Variants in PTBP2 observed in about 807,000 individuals in gnomAD.
PTBP2 encodes the protein polypyrimidine tract-binding protein 2.
Under a neutral mutation model 61.4 loss-of-function variants are expected in PTBP2, and 13 were observed. The observed-to-expected ratio is 0.21, with a 90% confidence interval of 0.14 to 0.34. The LOEUF is 0.34. Among genes scored for constraint, PTBP2 ranks in the 10% least tolerant of loss-of-function variants. PTBP2 has a pLI of 1.00. For synonymous variants in PTBP2, 215 were observed against 218.5 expected, an observed-to-expected ratio of 0.98 and a Z score of 0.14; for missense variants, 405 against 642.6, an observed-to-expected ratio of 0.63 and a Z score of 4.00.
At chr1:96,749,826 C>G (rs535634558) in intron 2 of PTBP2, 1 of 312,894 alleles carries the variant, frequency 3.2e-6, no homozygotes, top group Non-Finnish European at 6.6e-6. Context: ...ATCCTAAGGG[C>G]TGTGATGTAG....
intron 8 of PTBP2, among the ~76,000 whole-genome samples, chr1:96,796,771 C>T (rs987945187): frequency 3.3e-5 from 5 of 149,472 alleles, no homozygotes; most frequent in Admixed American, 1.3e-4. Context: ...CTAAGCTTGA[C>T]TCTATGGTAA....
intron 2 of PTBP2, 73 bp downstream of exon 2, chr1:96,723,667 G>C (rs1243774617): frequency 7.1e-7 from 1 of 1,400,364 alleles, no homozygotes; most frequent in Non-Finnish European, 9.8e-7. Context: ...TTTAGCTTTT[G>C]CTTTTGAAAA....
At chr1:96,732,088 TAA>T (rs767763221) in intron 2 of PTBP2, among the ~76,000 whole-genome samples, 2 of 152,180 alleles carry the variant, frequency 1.3e-5, no homozygotes, top group Non-Finnish European at 2.9e-5. Context: ...ACCTGTTTCT[TAA>T]AATGTTAGCT....
intron 8 of PTBP2, among the ~76,000 whole-genome samples, chr1:96,789,759 T>G (rs912545991): frequency 2.0e-5 from 3 of 152,116 alleles, no homozygotes; most frequent in Non-Finnish European, 2.9e-5. Context: ...CTTGGTTCAA[T>G]AGCGCTGACA....
intron 2 of PTBP2, among the ~76,000 whole-genome samples, chr1:96,726,882 C>A (rs921904664): frequency 3.3e-5 from 5 of 152,100 alleles, no homozygotes; most frequent in Admixed American, 3.3e-4. Context: ...CGCGTCCGGC[C>A]CATATCTTGC....
chr1:96,767,710 C>A (rs1478381288), intron 3 of PTBP2, among the ~76,000 whole-genome samples: 1 of 152,044 alleles, frequency 6.6e-6, no homozygotes, highest in South Asian at 2.1e-4. Flanking sequence ...CTTACATTTT[C>A]AATTAACGGG....
At chr1:96,777,351 C>G (rs1246526577) in intron 5 of PTBP2, among the ~76,000 whole-genome samples, 3 of 152,150 alleles carry the variant, frequency 2.0e-5, no homozygotes, top group Non-Finnish European at 4.4e-5. Context: ...GCATGTTCAA[C>G]ATTGATCCCA....
intron 9 of PTBP2, among the ~76,000 whole-genome samples, chr1:96,806,198 G>A (rs928510390): frequency 2.7e-5 from 4 of 150,922 alleles, no homozygotes; most frequent in Non-Finnish European, 4.4e-5. Context: ...CCTTGTCCTT[G>A]TCTTCATTCC....
At chr1:96,779,689 C>T (rs573964965) in intron 7 of PTBP2, among the ~76,000 whole-genome samples, 1 of 152,150 alleles carries the variant, frequency 6.6e-6, no homozygotes, top group South Asian at 2.1e-4. Flanking sequence ...AGTACTTATT[C>T]TGGTATCAGA....
intron 2 of PTBP2, among the ~76,000 whole-genome samples, chr1:96,729,732 ATTTT>A (rs748378072): frequency 2.8e-4 from 31 of 110,426 alleles, no homozygotes; most frequent in East Asian, 1.0e-3. Context: ...TGATACTACT[ATTTT>A]TTTTTTTTTT....
intron 8 of PTBP2, among the ~76,000 whole-genome samples, chr1:96,789,727 A>G (rs1460564668): frequency 3.3e-5 from 5 of 152,234 alleles, no homozygotes; most frequent in East Asian, 3.9e-4. Flanking sequence ...TGCTAATATA[A>G]TGAATCCCAT....
intron 2 of PTBP2, among the ~76,000 whole-genome samples, chr1:96,729,033 TC>T (rs1287188147): frequency 6.6e-6 from 1 of 152,188 alleles, no homozygotes; most frequent in Non-Finnish European, 1.5e-5. Flanking sequence ...ATATATTTCA[TC>T]AGATTTGCTT....
At chr1:96,769,946 G>T in intron 4 of PTBP2, 71 bp downstream of exon 4, 1 of 1,214,292 alleles carries the variant, frequency 8.2e-7, no homozygotes, top group Non-Finnish European at 1.1e-6. Flanking sequence ...AATTGTAAAA[G>T]GGAGAAAATA....
chr1:96,770,386 T>C (rs1025304643), intron 4 of PTBP2, among the ~76,000 whole-genome samples: 15 of 152,062 alleles, frequency 9.9e-5, no homozygotes, highest in Non-Finnish European at 2.1e-4. Context: ...AAATCTTACA[T>C]TCTCTAGGGT....
At chr1:96,746,720 AGT>A (rs1232196323) in intron 2 of PTBP2, among the ~76,000 whole-genome samples, 86 of 149,130 alleles carry the variant, frequency 5.8e-4, no homozygotes, top group African/African-American at 2.0e-3. Flanking sequence ...AAAAAAAAAA[AGT>A]GTGTGTTTTA....
At chr1:96,757,601 C>T (rs1205313562) in intron 3 of PTBP2, among the ~76,000 whole-genome samples, 1 of 152,090 alleles carries the variant, frequency 6.6e-6, no homozygotes, top group East Asian at 1.9e-4. Flanking sequence ...TGGCTTAACT[C>T]ACATTTATAA....
At chr1:96,761,550 A>AAT (rs35443903) in intron 3 of PTBP2, among the ~76,000 whole-genome samples, 112,980 of 151,768 alleles carry the variant, frequency 0.74, 42,618 homozygotes, top group African/African-American at 0.87. Flanking sequence ...TTGGAAGGAG[A>AAT]ATGCAGGAAA....
chr1:96,819,595 T>C (rs1401661184), downstream of PTBP2: 2 of 151,982 alleles, frequency 1.3e-5, no homozygotes, highest in Non-Finnish European at 2.9e-5. Context: ...GTTATTGAGT[T>C]GATAAATGAT....
At chr1:96,809,415 T>C (rs931308526) in intron 11 of PTBP2, among the ~76,000 whole-genome samples, 2 of 152,204 alleles carry the variant, frequency 1.3e-5, no homozygotes, top group African/African-American at 4.8e-5. Flanking sequence ...TCATTCTCTA[T>C]TGCACAAGTA....
Sources: gnomAD v4.1 joint callset for allele counts (sites outside exome capture counted in the v4.1 genomes callset) on GRCh38, gnomAD v4.1.1 for gene constraint, MANE v1.5 for transcripts, NCBI Gene and HGNC (gene_info 2026-07-23, HGNC 2026-07-21) for gene names.